RASSF2: variants seen among roughly 807,000 people sequenced by gnomAD.
RASSF2 encodes the protein Ras association domain family member 2.
A neutral mutation model predicts 46.3 loss-of-function variants in RASSF2; 34 were observed. The observed-to-expected ratio is 0.73, with a 90% CI of 0.56 to 0.98. The LOEUF is 0.98. Ranked by LOEUF, RASSF2 falls within the 50% of genes least tolerant of loss-of-function variation. The pLI is 0.00. For missense variants in RASSF2, 364 were observed against 431.2 expected, an observed-to-expected ratio of 0.84 and a Z score of 1.38; for synonymous variants, 158 against 162.5, an observed-to-expected ratio of 0.97 and a Z score of 0.21.
chr20:4,815,102 C>A (rs1304752920), intron 2 of RASSF2: 1 of 152,264 alleles, frequency 6.6e-6, no homozygotes, highest in African/African-American at 2.4e-5. Context: ...GGGAACTCAC[C>A]TAACAAGGAA....
chr20:4,787,785 G>A lies in RASSF2; in HGVS notation c.692-31C>T, dbSNP rs1288782440. On this transcript the variant is annotated intron_variant, in intron 9 of 11. Coordinates refer to ENST00000379400, the MANE Select transcript of RASSF2 (RefSeq NM_014737.3). The stretch of plus-strand genomic sequence containing the variant: ...ACCACACACACCCAGGAGCAGCCCT[G>A]AGAGGCCTTTCTCACATTAAGTAGT... The A allele has an allele frequency of 1.9e-6, 3 of 1,613,596 alleles. No homozygotes were observed. In the South Asian group the frequency reaches 3.3e-5, roughly 18 times the overall value.
intron 4 of RASSF2, among the ~76,000 whole-genome samples, chr20:4,796,576 G>A (rs1353178129): frequency 1.3e-4 from 20 of 152,288 alleles, no homozygotes; most frequent in Non-Finnish European, 1.9e-4. Flanking sequence ...ATAAACTAAC[G>A]GGCTAAATGA....
intron 11 of RASSF2, among the ~76,000 whole-genome samples, chr20:4,785,965 C>A (rs757487486): frequency 2.0e-5 from 3 of 152,206 alleles, no homozygotes; most frequent in Admixed American, 6.5e-5. Flanking sequence ...CCAACACCTT[C>A]TTTTCAGAGT....
At position 4,795,927 on chromosome 20, in the gene RASSF2, A is replaced by G. The variant is rs760050773; in HGVS notation, c.175T>C (p.Ser59Pro). The G allele has an allele frequency of 6.3e-7, 1 of 1,576,642 alleles. No homozygotes were observed. The highest frequency in any genetic ancestry group is 8.6e-7 in the Non-Finnish European group (1 of 1,157,586). The change falls in exon 5 of 12, where the codon TCC becomes CCC. Residue 59 changes from serine (S) to proline (P), a missense_variant. Physicochemically the swap from Ser to Pro is moderately conservative, Grantham distance 74. Transcript: ENST00000379400. This position sits in a 1 kb window ranked among gnomAD's most constrained non-coding sequence, Gnocchi z 4.0. Reference protein sequence around the residue: ...EFIVEGLLNISWGLRRPIRLQ... With the variant: ...EFIVEGLLNIPWGLRRPIRLQ... The stretch of plus-strand genomic sequence containing the variant: ...CGAATGGGCCGGCGCAGGCCCCAGG[A>G]GATGTTCAGGAGCCCCTCCACAATG...
chr20:4,821,813 C>A (rs1928708019), intron 2 of RASSF2, among the ~76,000 whole-genome samples: 1 of 123,766 alleles, frequency 8.1e-6, no homozygotes, highest in Non-Finnish European at 1.7e-5. Flanking sequence ...CCTCTTCCAC[C>A]CCTGTGAGGC....
At chr20:4,785,155 C>CAAAAAAAAAA (rs11454727) in intron 11 of RASSF2, among the ~76,000 whole-genome samples, 233 of 91,452 alleles carry the variant, frequency 2.5e-3, no homozygotes, top group East Asian at 5.1e-3. Flanking sequence ...ACTAAAAATA[C>CAAAAAAAAAA]AAAAAAAAAA....
At chr20:4,805,867 A>G (rs577913113) in intron 2 of RASSF2, among the ~76,000 whole-genome samples, 8 of 152,288 alleles carry the variant, frequency 5.3e-5, no homozygotes, top group Non-Finnish European at 7.4e-5. Flanking sequence ...GCTGGCGAGG[A>G]CCGCAACGTA....
chr20:4,788,462 C>T (rs1925560734), intron 8 of RASSF2, among the ~76,000 whole-genome samples, 194 bp from the exon 9 acceptor site: 1 of 152,160 alleles, frequency 6.6e-6, no homozygotes, highest in Admixed American at 6.5e-5. Context: ...TACAGTCATG[C>T]ACTTAACCAC....
Position 4,812,467 on chromosome 20 carries a change from G to A in RASSF2, c.-33+9862C>T, listed in dbSNP as rs1927898627. Among the ~76,000 whole-genome samples the A allele has an allele frequency of 6.6e-6, 1 of 152,202 alleles. No homozygotes were observed. Among genetic ancestry groups the A allele is most frequent in the African/African-American group, 2.4e-5 (1 of 41,454 alleles). ...CCTGTAGACTACAGCTTCTCTTGAG[G>A]TGATAAGGAAGAAAGTGCTTTCAGC... On this transcript the variant is annotated intron_variant, in intron 2 of 11. Transcript: ENST00000379400. The surrounding 1 kb of genome is among the most constrained non-coding windows in gnomAD (Gnocchi z 4.0).
chr20:4,820,197 CTTGA>C (rs958095214), intron 2 of RASSF2, among the ~76,000 whole-genome samples: 69 of 152,280 alleles, frequency 4.5e-4, no homozygotes, highest in Admixed American at 4.2e-3. Context: ...CTCACTCCAC[CTTGA>C]GGACATTTAT....
chr20:4,795,693 A>G lies in RASSF2; in HGVS notation c.287+122T>C. ...CAAGGCTAAGGCAGGTGGGCAGTAGAGGTAGTAGGAGGAGGAGCCAGGGTC... is the reference window on the plus strand; with the variant it reads ...CAAGGCTAAGGCAGGTGGGCAGTAGGGGTAGTAGGAGGAGGAGCCAGGGTC... On this transcript the variant is annotated intron_variant, in intron 5 of 11. Coordinates refer to ENST00000379400, the MANE Select transcript of RASSF2 (RefSeq NM_014737.3). This position sits in a 1 kb window ranked among gnomAD's most constrained non-coding sequence, Gnocchi z 4.0. 8.3e-7 allele frequency: 1 copy of G among 1,209,204 alleles called. No homozygotes were observed. Among genetic ancestry groups the G allele is most frequent in the Non-Finnish European group, 1.1e-6 (1 of 874,750 alleles). The allele number at this position is 1,209,204 out of a possible 1,614,324, so 74.9% of individuals were successfully genotyped here. A position where few individuals can be genotyped will look rare whatever the true frequency, so the allele number is the denominator to read the frequency against.
chr20:4,784,821 C>T (rs971664137), intron 11 of RASSF2, among the ~76,000 whole-genome samples: 1 of 152,090 alleles, frequency 6.6e-6, no homozygotes, highest in Non-Finnish European at 1.5e-5. Flanking sequence ...TATAACAGAA[C>T]CTGCATTTTG....
intron 2 of RASSF2, among the ~76,000 whole-genome samples, chr20:4,817,037 G>A (rs1005316473): frequency 2.0e-4 from 31 of 152,120 alleles, no homozygotes; most frequent in Admixed American, 1.7e-3. Context: ...CCCGGGAGGC[G>A]GAGATTGCAG....
At chr20:4,815,684 A>G (rs1465910418) in intron 2 of RASSF2, among the ~76,000 whole-genome samples, 4 of 152,220 alleles carry the variant, frequency 2.6e-5, no homozygotes, top group African/African-American at 9.6e-5. Flanking sequence ...GCGAATCGTG[A>G]GCCCACATTT....
intron 1 of RASSF2, among the ~76,000 whole-genome samples, 167 bp downstream of exon 1, chr20:4,823,390 G>C (rs1928855104): frequency 6.6e-6 from 1 of 152,158 alleles, no homozygotes; most frequent in Non-Finnish European, 1.5e-5. Flanking sequence ...CCGCGGCTGG[G>C]GGGCTGCTTC....
Position 4,798,014 on chromosome 20 carries a change from C to T in RASSF2, c.131G>A (p.Arg44Gln), listed in dbSNP as rs1432101152. 13 of 1,613,784 alleles carry T rather than the reference C, an allele frequency of 8.1e-6. No individual in the cohort carries two copies. Among genetic ancestry groups the T allele is most frequent in the South Asian group, 4.4e-5 (4 of 91,060 alleles). Residue 44 changes from arginine (R) to glutamine (Q), a missense_variant, in exon 4 of 12, where the codon CGG (arginine) becomes CAG (glutamine). Physicochemically the swap from Arg to Gln is conservative, Grantham distance 43. Transcript: ENST00000379400. The part of the protein sequence containing the change: ...YEGQNLQLRH[R>Q]EEEDEFIVEG... ...CCGTCCCTGGGGACTCCTTACCTCC[C>T]GGTGCCGGAGCTGTAAATTCTGGCC...
intron 11 of RASSF2, among the ~76,000 whole-genome samples, chr20:4,785,908 C>G (rs1925291592): frequency 6.6e-6 from 1 of 152,228 alleles, no homozygotes; most frequent in African/African-American, 2.4e-5. Context: ...AACCAGCGTA[C>G]AGTCACCTTC....
At chr20:4,810,966 G>A in intron 2 of RASSF2, among the ~76,000 whole-genome samples, 1 of 152,130 alleles carries the variant, frequency 6.6e-6, no homozygotes, top group South Asian at 2.1e-4. Context: ...GGGAAGAGGT[G>A]GCTTAGAGAC....
chr20:4,790,733 A>G lies in RASSF2; in HGVS notation c.377-122T>C. The stretch of plus-strand genomic sequence containing the variant: ...CACAAATATATATTTTATACAAATA[A>G]TATTTTCTGCTGGGGGAAAAACATA... On this transcript the variant is annotated intron_variant, in intron 6 of 11. Transcript: ENST00000379400. The surrounding 1 kb of genome is among the most constrained non-coding windows in gnomAD (Gnocchi z 4.3). The G allele has an allele frequency of 1.4e-6, 1 of 695,454 alleles. No homozygotes were observed. The highest frequency in any genetic ancestry group is 2.1e-6 in the Non-Finnish European group (1 of 476,912). The allele number at this position is 695,454 out of a possible 1,614,324, so 43.1% of individuals were successfully genotyped here. A position where few individuals can be genotyped will look rare whatever the true frequency, so the allele number is the denominator to read the frequency against.
Sources: allele counts gnomAD v4.1 joint callset (sites outside exome capture counted in the v4.1 genomes callset), GRCh38; gene constraint gnomAD v4.1.1; non-coding constraint Gnocchi (gnomAD v3.1); transcripts MANE v1.5; gene names NCBI Gene and HGNC (gene_info 2026-07-23, HGNC 2026-07-21).